PPP6R3: variants seen among roughly 807,000 people sequenced by gnomAD.
PPP6R3 encodes protein phosphatase 6 regulatory subunit 3, also known as serine/threonine-protein phosphatase 6 regulatory subunit 3.
A neutral mutation model predicts 110.7 loss-of-function variants in PPP6R3; 38 were observed. That is an observed-to-expected ratio of 0.34 (90% CI 0.26 to 0.45). PPP6R3 has a LOEUF of 0.45. PPP6R3 is among the 20% of genes least tolerant of loss of function. The pLI, the probability that PPP6R3 is intolerant of heterozygous loss-of-function variation, is 1.00. For missense variants in PPP6R3, 870 were observed against 1,062.4 expected, an observed-to-expected ratio of 0.82 and a Z score of 2.52; for synonymous variants, 369 against 373.5, an observed-to-expected ratio of 0.99 and a Z score of 0.14.
At chr11:68,506,564 A>C (rs1285254571) in intron 1 of PPP6R3, among the ~76,000 whole-genome samples, 1 of 152,136 alleles carries the variant, frequency 6.6e-6, no homozygotes, top group Non-Finnish European at 1.5e-5. Flanking sequence ...TCATCACCAC[A>C]AACACTTTTT....
At chr11:68,546,096 A>G (rs796873596) in intron 4 of PPP6R3, among the ~76,000 whole-genome samples, 8 of 152,338 alleles carry the variant, frequency 5.3e-5, no homozygotes, top group African/African-American at 1.9e-4. Context: ...GCTTTATTTT[A>G]GAAAGAGATA....
At position 68,537,866 on chromosome 11, in the gene PPP6R3, G is replaced by C; in HGVS notation, c.202G>C (p.Asp68His). The C allele has an allele frequency of 1.2e-6, 2 of 1,611,856 alleles. No individual in the cohort carries two copies. Among genetic ancestry groups the C allele is most frequent in the South Asian group, 2.2e-5 (2 of 90,962 alleles). ...ATTCATTATAGAAGAACCACCTCAA[G>C]ACATGGATGAAAAGATCAGATACAA... ...VSFIIEEPPQ[D>H]MDEKIRYKYP... is the part of the protein sequence containing the mutation. Residue 68 changes from aspartate to histidine, a missense_variant, in exon 3 of 24, where the codon GAC becomes CAC. Coordinates refer to ENST00000393800, the MANE Select transcript of PPP6R3 (RefSeq NM_001164161.2).
intron 1 of PPP6R3, among the ~76,000 whole-genome samples, chr11:68,489,040 G>A (rs2098966703): frequency 6.7e-6 from 1 of 149,294 alleles, no homozygotes; most frequent in Admixed American, 6.7e-5. Flanking sequence ...TTTTTTTGAG[G>A]CAGAGTCTGC....
intron 5 of PPP6R3, among the ~76,000 whole-genome samples, chr11:68,550,825 C>T (rs1592983657): frequency 6.6e-6 from 1 of 152,204 alleles, no homozygotes. Context: ...AACCTACAAA[C>T]CCTTTTAGTC....
chr11:68,566,115 C>G (rs769933149), intron 9 of PPP6R3, among the ~76,000 whole-genome samples: 1 of 152,302 alleles, frequency 6.6e-6, no homozygotes, highest in East Asian at 1.9e-4. Context: ...TTAGATTGAT[C>G]ACATTTCAGG....
chr11:68,464,171 C>T (rs1051197588), intron 1 of PPP6R3, among the ~76,000 whole-genome samples: 4 of 152,288 alleles, frequency 2.6e-5, no homozygotes, highest in African/African-American at 7.2e-5. Context: ...CTAGCTCTGT[C>T]GCCCAGGCTG....
intron 14 of PPP6R3, among the ~76,000 whole-genome samples, chr11:68,577,771 A>G (rs2099537603): frequency 6.6e-6 from 1 of 152,160 alleles, no homozygotes; most frequent in Non-Finnish European, 1.5e-5. Flanking sequence ...GTGTTAGAAA[A>G]AAATTATTTT....
chr11:68,495,431 TCACTTAGAATATTTTCATTATTC>T (rs1375744237), intron 1 of PPP6R3, among the ~76,000 whole-genome samples: 3 of 152,216 alleles, frequency 2.0e-5, no homozygotes, highest in Admixed American at 6.5e-5. Flanking sequence ...GTCATCACAA[TCACTTAGAATATTTTCATTATTC>T]CACAGGAAAC....
intron 1 of PPP6R3, among the ~76,000 whole-genome samples, chr11:68,463,058 G>C (rs1359587724): frequency 6.6e-6 from 1 of 152,172 alleles, no homozygotes; most frequent in Non-Finnish European, 1.5e-5. Flanking sequence ...ACATTGACAG[G>C]ATGAGGTTGC....
intron 14 of PPP6R3, among the ~76,000 whole-genome samples, chr11:68,582,110 A>G (rs1247409086): frequency 6.6e-6 from 1 of 152,236 alleles, no homozygotes; most frequent in Non-Finnish European, 1.5e-5. Context: ...ATGAGTTGGC[A>G]GGTAGCAGCA....
chr11:68,602,026 A>G, intron 21 of PPP6R3, 57 bp downstream of exon 21: 3 of 1,386,778 alleles, frequency 2.2e-6, no homozygotes, highest in Non-Finnish European at 3.0e-6. Flanking sequence ...TTGTCAAACC[A>G]GACCTGATTC....
At chr11:68,487,830 T>C (rs182173722) in intron 1 of PPP6R3, among the ~76,000 whole-genome samples, 75 of 152,310 alleles carry the variant, frequency 4.9e-4, no homozygotes, top group Non-Finnish European at 8.7e-4. Context: ...ACTTGAGAAC[T>C]GTAATCTGCT....
intron 2 of PPP6R3, among the ~76,000 whole-genome samples, chr11:68,531,771 T>C (rs2099242226): frequency 6.6e-6 from 1 of 152,192 alleles, no homozygotes; most frequent in African/African-American, 2.4e-5. Flanking sequence ...TCTTTCTTAT[T>C]GACTCTCTAC....
chr11:68,608,358 A>G (rs1941501095), intron 22 of PPP6R3, among the ~76,000 whole-genome samples: 1 of 152,266 alleles, frequency 6.6e-6, no homozygotes, highest in Non-Finnish European at 1.5e-5. Flanking sequence ...AACGATAACA[A>G]TATAGGACTT....
intron 1 of PPP6R3, among the ~76,000 whole-genome samples, chr11:68,483,179 A>G (rs1201873451): frequency 6.6e-6 from 1 of 152,218 alleles, no homozygotes; most frequent in Non-Finnish European, 1.5e-5. Context: ...AAGCAAAGGG[A>G]AGAAAACTTT....
chr11:68,567,245 A>C, intron 10 of PPP6R3, 79 bp downstream of exon 10: 1 of 1,359,518 alleles, frequency 7.4e-7, no homozygotes, highest in Non-Finnish European at 9.8e-7. Context: ...CAACCTTACA[A>C]ATTTACATTA....
chr11:68,561,872 C>G (rs950106572), intron 8 of PPP6R3, among the ~76,000 whole-genome samples: 1 of 152,182 alleles, frequency 6.6e-6, no homozygotes, highest in Non-Finnish European at 1.5e-5. Context: ...GATCTTCCCA[C>G]TTTAGCCTCC....
intron 17 of PPP6R3, 74 bp from the exon 18 acceptor site, chr11:68,591,502 A>G (rs2099595285): frequency 4.3e-6 from 6 of 1,384,246 alleles, no homozygotes; most frequent in Non-Finnish European, 5.8e-6. Context: ...TGCAATTTAC[A>G]TTGGTAATGC....
At chr11:68,572,791 G>T (rs1275416148) in intron 12 of PPP6R3, among the ~76,000 whole-genome samples, 2 of 152,014 alleles carry the variant, frequency 1.3e-5, no homozygotes, top group African/African-American at 4.8e-5. Context: ...GCAATGAGCT[G>T]TGATTGCACC....
Sources: allele counts gnomAD v4.1 joint callset (sites outside exome capture counted in the v4.1 genomes callset), GRCh38; gene constraint gnomAD v4.1.1; transcripts MANE v1.5; gene names NCBI Gene and HGNC (gene_info 2026-07-23, HGNC 2026-07-21).